BAIAP2L1: variants seen among roughly 807,000 people sequenced by gnomAD.
BAIAP2L1 encodes the protein BAR/IMD domain-containing adapter protein 2-like 1.
BAIAP2L1 carries 35 observed loss-of-function variants against 66.3 expected under a neutral mutation model. The ratio of observed to expected loss-of-function variants is 0.53; its 90% CI spans 0.40 to 0.70. The LOEUF is 0.70. Among genes scored for constraint, BAIAP2L1 ranks in the 30% least tolerant of loss-of-function variants. The probability of loss-of-function intolerance (pLI) is 0.00; values close to 1 mark genes in which losing one functional copy is unlikely to be tolerated. For synonymous variants in BAIAP2L1, 269 were observed against 248.7 expected (o/e 1.08, Z -0.77); for missense variants, 622 against 656.9 (o/e 0.95, Z 0.58).
At chr7:98,322,105 C>T (rs977941974) in intron 3 of BAIAP2L1, among the ~76,000 whole-genome samples, 1 of 151,878 alleles carries the variant, frequency 6.6e-6, no homozygotes, top group Non-Finnish European at 1.5e-5. Flanking sequence ...CCCCGCCCCC[C>T]AAAAAAGGAA....
At chr7:98,314,723 G>A (rs764887020) in intron 7 of BAIAP2L1, among the ~76,000 whole-genome samples, 1 of 152,092 alleles carries the variant, frequency 6.6e-6, no homozygotes, top group African/African-American at 2.4e-5. Flanking sequence ...AGAGCTGCCC[G>A]TGACCCCCGG....
intron 3 of BAIAP2L1, among the ~76,000 whole-genome samples, chr7:98,332,933 C>T (rs1430783864): frequency 6.6e-6 from 1 of 151,994 alleles, no homozygotes; most frequent in East Asian, 1.9e-4. Flanking sequence ...CCCTACGCGA[C>T]CCAGCCTCAT....
rs1800081704 is a variant in BAIAP2L1, at chr7:98,294,071, T to C, written c.1460+3A>G. The stretch of plus-strand genomic sequence containing the variant: ...TGAGGCTCACGTAGGAAGCCACGCC[T>C]ACCTGAGAAAAGGCGGCTTTGCAGT... On this transcript the variant is annotated splice_donor_region_variant and intron_variant, in intron 13 of 13. Coordinates refer to ENST00000005260, the MANE Select transcript of BAIAP2L1 (RefSeq NM_018842.5). The C allele has an allele frequency of 2.5e-6, 4 of 1,613,938 alleles. No homozygotes were observed. The highest frequency in any genetic ancestry group is 3.4e-6 in the Non-Finnish European group (4 of 1,179,882).
intron 2 of BAIAP2L1, among the ~76,000 whole-genome samples, chr7:98,360,455 G>C (rs1030816686): frequency 6.6e-6 from 1 of 152,092 alleles, no homozygotes; most frequent in Non-Finnish European, 1.5e-5. Context: ...CTTCAGCAAA[G>C]GCACAACCAG....
intron 3 of BAIAP2L1, among the ~76,000 whole-genome samples, chr7:98,333,159 CT>C (rs553867800): frequency 1.4e-4 from 22 of 152,278 alleles, no homozygotes; most frequent in Non-Finnish European, 3.1e-4. Flanking sequence ...TCAGTGGCCC[CT>C]TGCCTTATTA....
intron 11 of BAIAP2L1, among the ~76,000 whole-genome samples, chr7:98,304,967 G>A (rs992164095): frequency 1.1e-4 from 16 of 149,906 alleles, no homozygotes; most frequent in Non-Finnish European, 2.2e-4. Context: ...CCTGGTTCAA[G>A]TGATTCTCCT....
At chr7:98,383,725 A>G (rs1802818063) in intron 1 of BAIAP2L1, among the ~76,000 whole-genome samples, 1 of 152,228 alleles carries the variant, frequency 6.6e-6, no homozygotes. Context: ...CTTACGTTTC[A>G]TTCCACCAAC....
At chr7:98,368,989 T>G (rs1333621110) in intron 1 of BAIAP2L1, among the ~76,000 whole-genome samples, 1 of 151,882 alleles carries the variant, frequency 6.6e-6, no homozygotes, top group Non-Finnish European at 1.5e-5. Context: ...ACCTGGGGGT[T>G]CAATGGCTGC....
At chr7:98,365,263 T>C (rs941255666) in intron 1 of BAIAP2L1, among the ~76,000 whole-genome samples, 2 of 152,204 alleles carry the variant, frequency 1.3e-5, no homozygotes, top group Non-Finnish European at 2.9e-5. Flanking sequence ...ATTCCTGTTT[T>C]ATTTCTTGTC....
At chr7:98,368,981 CTG>C (rs949445315) in intron 1 of BAIAP2L1, among the ~76,000 whole-genome samples, 3 of 151,366 alleles carry the variant, frequency 2.0e-5, no homozygotes, top group African/African-American at 7.3e-5. Context: ...CTAGGATAAC[CTG>C]GGGGTTCAAT....
chr7:98,387,048 A>C lies in BAIAP2L1; in HGVS notation c.51+13754T>G, dbSNP rs545693871. On this transcript the variant is annotated intron_variant, in intron 1 of 13. Transcript: ENST00000005260. ...TACATCGCCTTAAAACTCCTCTCAA[A>C]CTTAACCTACACGCGTATTAAGCTT... Among the ~76,000 whole-genome samples the C allele has an allele frequency of 2.0e-5, 3 of 152,248 alleles. No homozygotes were observed. The South Asian group carries it at 6.2e-4, about 32-fold the overall frequency.
intron 1 of BAIAP2L1, among the ~76,000 whole-genome samples, chr7:98,370,259 T>C (rs1418065781): frequency 1.3e-5 from 2 of 150,180 alleles, no homozygotes; most frequent in Non-Finnish European, 1.5e-5. Context: ...CTTGTAGTCC[T>C]AGCTATTCAG....
At position 98,320,295 on chromosome 7, in the gene BAIAP2L1, T is replaced by C. The variant is rs765257878; in HGVS notation, c.218A>G (p.His73Arg). ...GGTACTTGAAATCTCTATGAGGACA[T>C]GTCCTGGGAACAAAACCAGATATGT... ...TGSPVSTELGHVLIEISSTHK... is the reference protein window; with the variant it reads ...TGSPVSTELGRVLIEISSTHK... Residue 73 changes from histidine (H) to arginine (R), a missense_variant, in exon 4 of 14, where the codon CAT becomes CGT. Physicochemically the swap from His to Arg is conservative, Grantham distance 29. Transcript: ENST00000005260. 3.1e-6 allele frequency: 5 copies of C among 1,597,854 alleles called. No homozygotes were observed. The highest frequency in any genetic ancestry group is 4.3e-6 in the Non-Finnish European group (5 of 1,172,024).
chr7:98,361,544 A>G (rs1802271650), intron 2 of BAIAP2L1, among the ~76,000 whole-genome samples: 2 of 152,064 alleles, frequency 1.3e-5, no homozygotes, highest in African/African-American at 4.8e-5. Context: ...ATTTTGGGGA[A>G]GAACTGTCTT....
At chr7:98,301,860 T>G (rs987156512) in intron 12 of BAIAP2L1, among the ~76,000 whole-genome samples, 1 of 152,014 alleles carries the variant, frequency 6.6e-6, no homozygotes, top group African/African-American at 2.4e-5. Flanking sequence ...GGAAGGGTGG[T>G]GGTGGTGTCC....
At chr7:98,317,140 A>T (rs1454838112) in intron 6 of BAIAP2L1, 79 bp downstream of exon 6, 21 of 1,583,774 alleles carry the variant, frequency 1.3e-5, no homozygotes, top group Non-Finnish European at 1.8e-5. Context: ...GGCGTGAGCC[A>T]CCGCACCCGG....
chr7:98,393,086 TATAC>T (rs1229166745), intron 1 of BAIAP2L1, among the ~76,000 whole-genome samples: 4 of 111,012 alleles, frequency 3.6e-5, no homozygotes, highest in East Asian at 4.9e-4. Context: ...CACACACATA[TATAC>T]ATATATACGT....
rs751861193 is a variant in BAIAP2L1 at position 98,365,408 on chromosome 7, A to AT, written c.52-2977dup. On this transcript the variant is annotated intron_variant, in intron 1 of 13. Transcript: ENST00000005260. ...ATCCTCAACTTTATGTTCCAATTCT[A>AT]TTTTTTGAATTTGATATATCTTAAT... Among the ~76,000 whole-genome samples the AT allele has an allele frequency of 2.6e-5, 4 of 152,006 alleles. No individual in the cohort carries two copies. In the East Asian group the frequency reaches 7.7e-4, roughly 29 times the overall value.
At chr7:98,358,312 T>C (rs1284760091) in intron 2 of BAIAP2L1, among the ~76,000 whole-genome samples, 1 of 118,550 alleles carries the variant, frequency 8.4e-6, no homozygotes, top group Non-Finnish European at 1.7e-5. Context: ...CACATTAAGA[T>C]ATTTTCTACT....
Sources: gnomAD v4.1 joint callset for allele counts (sites outside exome capture counted in the v4.1 genomes callset) on GRCh38, gnomAD v4.1.1 for gene constraint, MANE v1.5 for transcripts, NCBI Gene and HGNC (gene_info 2026-07-23, HGNC 2026-07-21) for gene names.